THSD7B: variants seen among roughly 807,000 people sequenced by gnomAD.
THSD7B encodes thrombospondin type-1 domain-containing protein 7B.
Under a neutral mutation model 213.6 loss-of-function variants are expected in THSD7B, and 138 were observed. The observed-to-expected ratio is 0.65, with a 90% confidence interval of 0.56 to 0.74. THSD7B has a LOEUF of 0.74. THSD7B is among the 30% of genes least tolerant of loss of function. The probability of loss-of-function intolerance (pLI) is 0.00; values close to 1 mark genes in which losing one functional copy is unlikely to be tolerated. For missense variants in THSD7B, 1,931 were observed against 1,991.5 expected (o/e 0.97, Z 0.58); for synonymous variants, 742 against 687.0 (o/e 1.08, Z -1.25).
At chr2:136,917,153 A>C (rs1206124426) in intron 2 of THSD7B, among the ~76,000 whole-genome samples, 2 of 152,184 alleles carry the variant, frequency 1.3e-5, no homozygotes, top group African/African-American at 4.8e-5. Flanking sequence ...GAAGTTTTCC[A>C]ATCTCAAACT....
At chr2:137,058,835 A>G (rs1687217313) in intron 3 of THSD7B, among the ~76,000 whole-genome samples, 1 of 152,128 alleles carries the variant, frequency 6.6e-6, no homozygotes, top group African/African-American at 2.4e-5. Context: ...TGAAGTCAGC[A>G]GTCTGCAAGC....
chr2:137,590,792 G>GTTTTTTTTTTTTTTTTTTTTTTTTTT (rs1215185747), intron 17 of THSD7B, among the ~76,000 whole-genome samples: 1 of 88,716 alleles, frequency 1.1e-5, no homozygotes, highest in Non-Finnish European at 2.3e-5. Flanking sequence ...CTTTGAAATA[G>GTTTTTTTTTTTTTTTTTTTTTTTTTT]TTTTTTTTTT....
intron 15 of THSD7B, among the ~76,000 whole-genome samples, chr2:137,543,743 A>G (rs1476126534): frequency 6.6e-6 from 1 of 151,724 alleles, no homozygotes; most frequent in Non-Finnish European, 1.5e-5. Flanking sequence ...TTGAGGATAA[A>G]TAAAGAACTC....
chr2:136,995,994 G>A (rs1158391217), intron 2 of THSD7B, among the ~76,000 whole-genome samples: 1 of 152,128 alleles, frequency 6.6e-6, no homozygotes, highest in African/African-American at 2.4e-5. Flanking sequence ...TCTCCTAAAG[G>A]TTTTGAGGAA....
chr2:136,950,492 T>TC (rs1400426000), intron 2 of THSD7B, among the ~76,000 whole-genome samples: 1 of 152,190 alleles, frequency 6.6e-6, no homozygotes, highest in Non-Finnish European at 1.5e-5. Flanking sequence ...GATTCACTGG[T>TC]CCAGAAGTAG....
chr2:137,578,342 G>A (rs1457437799), intron 17 of THSD7B, among the ~76,000 whole-genome samples: 2 of 152,158 alleles, frequency 1.3e-5, no homozygotes, highest in African/African-American at 4.8e-5. Flanking sequence ...GACATTCATG[G>A]AGTGAAACTC....
At chr2:137,238,006 C>G (rs988869376) in intron 9 of THSD7B, among the ~76,000 whole-genome samples, 2 of 152,176 alleles carry the variant, frequency 1.3e-5, no homozygotes, top group Admixed American at 6.5e-5. Flanking sequence ...TACTCTTTCT[C>G]TCTTTCAGAC....
intron 1 of THSD7B, among the ~76,000 whole-genome samples, chr2:136,775,483 A>G (rs1681583606): frequency 6.6e-6 from 1 of 152,136 alleles, no homozygotes; most frequent in Non-Finnish European, 1.5e-5. Flanking sequence ...ACATGCCAGG[A>G]TTCTATTCAG....
In THSD7B at chr2:137,169,843, G is replaced by T. The variant is rs140076967; in HGVS notation, c.1526-898G>T. 6.7e-3 allele frequency among the ~76,000 whole-genome samples: 1,018 copies of T among 152,222 alleles called. 11 individuals are homozygous for T. The highest frequency in any genetic ancestry group is 0.023 in the African/African-American group (969 of 41,540). ...GGTCACTTTGTTTTTTAAAAATTGT[G>T]CATTAGTTTTTATCATTTAAAAATA... On this transcript the variant is annotated intron_variant, in intron 6 of 27. Coordinates refer to ENST00000409968, the MANE Select transcript of THSD7B (RefSeq NM_001316349.2).
At chr2:137,669,045 TATATC>T (rs1226566597) in intron 27 of THSD7B, among the ~76,000 whole-genome samples, 1 of 152,178 alleles carries the variant, frequency 6.6e-6, no homozygotes, top group East Asian at 1.9e-4. Flanking sequence ...CTAAGAATAT[TATATC>T]AGCTTTCTGA....
rs1688428003 is a variant in THSD7B at position 137,115,308 on chromosome 2, C to T, written c.1369+15C>T. On this transcript the variant is annotated intron_variant, in intron 5 of 27. Transcript: ENST00000409968. Reference sequence around the variant, plus strand: ...GGCCAAGGAAGGTAGGCAGCCAGTTCCGGGACAGATGGTGCACTGCTGGTT... The same window carrying T: ...GGCCAAGGAAGGTAGGCAGCCAGTTTCGGGACAGATGGTGCACTGCTGGTT... 2 of 1,533,148 alleles carry T rather than the reference C, an allele frequency of 1.3e-6. No homozygotes were observed. Among genetic ancestry groups the T allele is most frequent in the Admixed American group, 4.3e-5 (2 of 46,444 alleles). The allele number at this position is 1,533,148 out of a possible 1,614,324, so 95.0% of individuals were successfully genotyped here. A position where few individuals can be genotyped will look rare whatever the true frequency, so the allele number is the denominator to read the frequency against.
chr2:136,802,616 TA>T (rs1386621596), intron 1 of THSD7B, among the ~76,000 whole-genome samples: 2 of 133,194 alleles, frequency 1.5e-5, no homozygotes, highest in South Asian at 4.7e-4. Flanking sequence ...ATAATGCCTT[TA>T]AAAATAATTT....
At chr2:136,794,830 AT>A (rs34420048) in intron 1 of THSD7B, among the ~76,000 whole-genome samples, 2 of 151,632 alleles carry the variant, frequency 1.3e-5, no homozygotes, top group African/African-American at 4.8e-5. Context: ...CTAGTTCTCT[AT>A]TTTTTTCCCT....
intron 27 of THSD7B, among the ~76,000 whole-genome samples, chr2:137,669,962 A>C (rs1013305217): frequency 6.6e-5 from 10 of 152,108 alleles, no homozygotes; most frequent in Non-Finnish European, 1.5e-4. Context: ...GAATTCTGTT[A>C]ACAAACCACT....
At chr2:137,585,132 G>A (rs963061293) in intron 17 of THSD7B, among the ~76,000 whole-genome samples, 14 of 152,148 alleles carry the variant, frequency 9.2e-5, no homozygotes, top group African/African-American at 3.4e-4. Context: ...GCATAGAGGT[G>A]TTTATAGTAT....
At chr2:137,093,278 A>T (rs532575222) in intron 3 of THSD7B, among the ~76,000 whole-genome samples, 1 of 152,152 alleles carries the variant, frequency 6.6e-6, no homozygotes, top group African/African-American at 2.4e-5. Flanking sequence ...TCCTCCTCGC[A>T]CTTTATGCTT....
chr2:137,366,605 G>T (rs78598177), intron 12 of THSD7B, among the ~76,000 whole-genome samples: 5,671 of 151,516 alleles, frequency 0.037, 372 homozygotes, highest in African/African-American at 0.13. Context: ...CTCTTCAAAA[G>T]ATGCTATTGA....
chr2:137,118,750 T>C (rs889294230), intron 5 of THSD7B, among the ~76,000 whole-genome samples: 29 of 152,096 alleles, frequency 1.9e-4, no homozygotes, highest in African/African-American at 6.0e-4. Flanking sequence ...CTAAGTTGTA[T>C]TAGTCCATTT....
intron 1 of THSD7B, among the ~76,000 whole-genome samples, chr2:136,870,683 C>T (rs566601787): frequency 3.2e-4 from 49 of 152,014 alleles, no homozygotes; most frequent in African/African-American, 1.1e-3. Context: ...AGTGCAAGGA[C>T]GTTAAGAAGG....
Sources: gnomAD v4.1 joint callset for allele counts (sites outside exome capture counted in the v4.1 genomes callset) on GRCh38, gnomAD v4.1.1 for gene constraint, MANE v1.5 for transcripts, NCBI Gene and HGNC (gene_info 2026-07-23, HGNC 2026-07-21) for gene names.